CDK13: variants seen among roughly 807,000 people sequenced by gnomAD.
CDK13 encodes cyclin-dependent kinase 13.
Under a neutral mutation model 137.6 loss-of-function variants are expected in CDK13, and 40 were observed. The observed-to-expected ratio is 0.29, with a 90% CI of 0.23 to 0.38. The LOEUF is 0.38. Ranked by LOEUF, CDK13 falls within the 10% of genes least tolerant of loss-of-function variation. The pLI is 1.00. For missense variants in CDK13, 1,704 were observed against 1,951.8 expected (o/e 0.87, Z 2.39); for synonymous variants, 869 against 760.1 (o/e 1.14, Z -2.36).
intron 5 of CDK13, among the ~76,000 whole-genome samples, chr7:40,042,477 C>CTTTTTTTTTTTT (rs5883713): frequency 1.7e-4 from 13 of 76,128 alleles, no homozygotes; most frequent in East Asian, 3.5e-4. Flanking sequence ...TCTTTTCTTT[C>CTTTTTTTTTTTT]TTTTTTTTTT....
Position 40,045,820 on chromosome 7 carries a change from T to C in CDK13, c.2354-16T>C, listed in dbSNP as rs897874135. ...TAGGAATAAGTTTCTAATGTATTAA[T>C]TATTCTCATTCTTAGGTGCATTTTA... is the stretch of plus-strand genomic sequence containing the variant. On this transcript the variant is annotated splice_polypyrimidine_tract_variant and intron_variant, in intron 5 of 13. Coordinates refer to ENST00000181839, the MANE Select transcript of CDK13 (RefSeq NM_003718.5). 6.5e-7 allele frequency: 1 copy of C among 1,545,698 alleles called. No homozygotes were observed. The highest frequency in any genetic ancestry group is 8.9e-7 in the Non-Finnish European group (1 of 1,126,722).
chr7:40,096,313 C>T lies in CDK13; in HGVS notation c.*1333C>T, dbSNP rs1278660132. 1 of 151,958 alleles carries T rather than the reference C, an allele frequency of 6.6e-6. No individual in the cohort carries two copies. Among genetic ancestry groups the T allele is most frequent in the African/African-American group, 2.4e-5 (1 of 41,372 alleles). 9.4% of individuals were successfully genotyped at this position (151,958 alleles called of 1,614,324 possible). A position where few individuals can be genotyped will look rare whatever the true frequency, so the allele number is the denominator to read the frequency against. On this transcript the variant is annotated 3_prime_UTR_variant, in exon 14 of 14. Coordinates refer to ENST00000181839, the MANE Select transcript of CDK13 (RefSeq NM_003718.5). ...CTGTAAAGTTGATTATGACTTCTGC[C>T]AGACTTAGAGCAACAACTTTAGTTC...
chr7:40,031,863 T>TATTATC (rs1250102005), intron 5 of CDK13, among the ~76,000 whole-genome samples: 2 of 145,970 alleles, frequency 1.4e-5, no homozygotes, highest in Admixed American at 6.8e-5. Flanking sequence ...TTATTATTAT[T>TATTATC]ATTGGGAGAA....
In CDK13 at chr7:40,047,714, T is replaced by C. The variant is rs558164645; in HGVS notation, c.2544-107T>C. 6 of 704,662 alleles carry C rather than the reference T, an allele frequency of 8.5e-6. No homozygotes were observed. The African/African-American group carries it at 1.4e-4, about 16-fold the overall frequency. 43.7% of individuals were successfully genotyped at this position (704,662 alleles called of 1,614,324 possible). A position where few individuals can be genotyped will look rare whatever the true frequency, so the allele number is the denominator to read the frequency against. Reference sequence around the variant, plus strand: ...TTGCAGTGTGAGCAGAGTTAAAGTTTACATAGGTTTTTTTTTTTTAATCAG... The same window carrying C: ...TTGCAGTGTGAGCAGAGTTAAAGTTCACATAGGTTTTTTTTTTTTAATCAG... On this transcript the variant is annotated intron_variant, in intron 6 of 13. Coordinates refer to ENST00000181839, the MANE Select transcript of CDK13 (RefSeq NM_003718.5).
intron 5 of CDK13, among the ~76,000 whole-genome samples, chr7:40,029,768 TC>T (rs1257145811): frequency 3.9e-5 from 6 of 152,154 alleles, no homozygotes; most frequent in African/African-American, 1.4e-4. Context: ...TTCTCCTGCC[TC>T]AGCCTCCCGC....
At chr7:39,974,635 G>A (rs910289220) in intron 1 of CDK13, among the ~76,000 whole-genome samples, 1 of 151,470 alleles carries the variant, frequency 6.6e-6, no homozygotes, top group Non-Finnish European at 1.5e-5. Flanking sequence ...CACGGTCTTG[G>A]CTCACTGCAA....
intron 1 of CDK13, chr7:39,986,270 A>C (rs747901550): frequency 2.0e-5 from 3 of 152,224 alleles, no homozygotes; most frequent in Non-Finnish European, 2.9e-5. Flanking sequence ...AGTATATTTT[A>C]AAAGTCTTGG....
rs1399192915 is a variant in CDK13, at chr7:40,098,429, G to A, written c.*3449G>A. On this transcript the variant is annotated 3_prime_UTR_variant, in exon 14 of 14. Coordinates refer to ENST00000181839, the MANE Select transcript of CDK13 (RefSeq NM_003718.5). ...GGGACTTGCTTTCTTTTCCAAAAAG[G>A]TGAATCCTTCTTGTAGGACATAGGT... is the stretch of plus-strand genomic sequence containing the variant. 6.6e-6 allele frequency: 1 copy of A among 151,006 alleles called. No homozygotes were observed. The highest frequency in any genetic ancestry group is 2.4e-5 in the African/African-American group (1 of 41,106). 9.4% of individuals were successfully genotyped at this position (151,006 alleles called of 1,614,324 possible).
At chr7:39,964,407 G>A (rs1082028) in intron 1 of CDK13, among the ~76,000 whole-genome samples, 68,924 of 151,962 alleles carry the variant, frequency 0.45, 17,646 homozygotes, top group East Asian at 0.63. Flanking sequence ...CTTTATTTGC[G>A]TAGAGGTGTT....
chr7:40,091,555 A>G (rs771692342), intron 12 of CDK13, among the ~76,000 whole-genome samples: 9 of 151,958 alleles, frequency 5.9e-5, no homozygotes, highest in Non-Finnish European at 1.2e-4. Context: ...TGAAAAAAGG[A>G]TGAATCCTCT....
chr7:39,979,152 C>T (rs116775379), intron 1 of CDK13, among the ~76,000 whole-genome samples: 12 of 151,366 alleles, frequency 7.9e-5, no homozygotes, highest in African/African-American at 2.9e-4. Context: ...AGAAATGGAG[C>T]AGACACAGAC....
At chr7:40,019,627 C>T (rs775139854) in intron 5 of CDK13, among the ~76,000 whole-genome samples, 2 of 152,116 alleles carry the variant, frequency 1.3e-5, no homozygotes, top group African/African-American at 2.4e-5. Flanking sequence ...AAACGTTAAT[C>T]GTATGTAAGA....
At position 40,088,238 on chromosome 7, in the gene CDK13, TCTCTGGGCTTGG is replaced by T. The variant is rs1390291010; in HGVS notation, c.3143_3154del (p.Ser1048_Asp1052delinsTyr). The T allele has an allele frequency of 3.3e-5, 53 of 1,613,966 alleles. No individual in the cohort carries two copies. The highest frequency in any genetic ancestry group is 4.5e-5 in the Non-Finnish European group (53 of 1,180,018). Reference sequence around the variant, plus strand: ...AATTAAAGCCCCCAGGAAGGACTTGTCTCTGGGCTTGGATGACAGCAGAACCAACACACCCCA... The same window carrying T: ...AATTAAAGCCCCCAGGAAGGACTTGTATGACAGCAGAACCAACACACCCCA... On this transcript the variant is annotated inframe_deletion, in exon 12 of 14. Coordinates refer to ENST00000181839, the MANE Select transcript of CDK13 (RefSeq NM_003718.5).
intron 5 of CDK13, among the ~76,000 whole-genome samples, chr7:40,024,348 A>G (rs946248534): frequency 6.6e-6 from 1 of 152,202 alleles, no homozygotes; most frequent in Non-Finnish European, 1.5e-5. Context: ...TGAAAGAGTA[A>G]TCAGTAGATG....
At chr7:40,000,960 G>C (rs1784671211) in intron 4 of CDK13, among the ~76,000 whole-genome samples, 1 of 152,030 alleles carries the variant, frequency 6.6e-6, no homozygotes. Context: ...CTTAAATTAT[G>C]TGGCAATTTA....
At chr7:40,088,452 C>G (rs902617613) in intron 12 of CDK13, 121 bp downstream of exon 12, 38 of 770,100 alleles carry the variant, frequency 4.9e-5, no homozygotes, top group Middle Eastern at 3.8e-4. Context: ...ATTCACTGAA[C>G]TAGACATTTC....
At chr7:40,006,638 TG>T (rs1784801063) in intron 5 of CDK13, among the ~76,000 whole-genome samples, 1 of 152,070 alleles carries the variant, frequency 6.6e-6, no homozygotes, top group African/African-American at 2.4e-5. Context: ...AGAGGCCAGC[TG>T]GGTGTGGGGA....
intron 1 of CDK13, among the ~76,000 whole-genome samples, chr7:39,953,819 A>G (rs1271202708): frequency 6.6e-6 from 1 of 152,200 alleles, no homozygotes; most frequent in Admixed American, 6.5e-5. Flanking sequence ...TGTGCCTGAA[A>G]TACATCTAGA....
At chr7:39,958,209 A>T (rs1004242747) in intron 1 of CDK13, among the ~76,000 whole-genome samples, 2 of 152,220 alleles carry the variant, frequency 1.3e-5, no homozygotes, top group Non-Finnish European at 2.9e-5. Context: ...ATGGTAAATG[A>T]TCTACACGCC....
Sources: allele counts gnomAD v4.1 joint callset (sites outside exome capture counted in the v4.1 genomes callset), GRCh38; gene constraint gnomAD v4.1.1; transcripts MANE v1.5; gene names NCBI Gene and HGNC (gene_info 2026-07-23, HGNC 2026-07-21).